Variants in ORC4 observed in about 807,000 individuals in gnomAD.
ORC4 encodes the protein origin recognition complex subunit 4, also known as origin recognition complex, subunit 4 homolog.
In ORC4, 55 loss-of-function variants were observed where a neutral mutation model predicts 63.9. That is an observed-to-expected ratio of 0.86 (90% confidence interval 0.69 to 1.08). ORC4 has a LOEUF of 1.08. Ranked by LOEUF, ORC4 falls within the 50% of genes least tolerant of loss-of-function variation. ORC4 has a pLI of 0.00. For missense variants in ORC4, 511 were observed against 504.4 expected (o/e 1.01, Z -0.13); for synonymous variants, 150 against 168.5 (o/e 0.89, Z 0.85).
intron 5 of ORC4, 30 bp from the exon 6 acceptor site, chr2:147,958,413 AT>A: frequency 6.6e-7 from 1 of 1,516,212 alleles, no homozygotes; most frequent in Admixed American, 1.7e-5. Flanking sequence ...AAAGTATTTA[AT>A]TAAAATTAAA....
At chr2:147,976,986 T>C (rs1351980668) in intron 1 of ORC4, among the ~76,000 whole-genome samples, 1 of 152,236 alleles carries the variant, frequency 6.6e-6, no homozygotes, top group Non-Finnish European at 1.5e-5. Context: ...TTCTTAGCAC[T>C]GATTTCCTAT....
chr2:148,009,225 G>C (rs181900863), intron 1 of ORC4, among the ~76,000 whole-genome samples: 172 of 151,618 alleles, frequency 1.1e-3, no homozygotes, highest in Non-Finnish European at 1.9e-3. Context: ...TTATCACAAA[G>C]GAAAACAAGG....
At chr2:147,942,671 C>T (rs1466366323) in intron 10 of ORC4, among the ~76,000 whole-genome samples, 1 of 151,934 alleles carries the variant, frequency 6.6e-6, no homozygotes, top group South Asian at 2.1e-4. Flanking sequence ...TCCTTTCTTC[C>T]TAAGACTGGG....
At chr2:147,958,152 A>C in intron 6 of ORC4, 146 bp downstream of exon 6, 1 of 609,830 alleles carries the variant, frequency 1.6e-6, no homozygotes, top group South Asian at 2.2e-5. Flanking sequence ...TATCCTATAC[A>C]TTACACATTT....
chr2:147,975,944 T>C lies in ORC4; in HGVS notation c.15A>G (p.Lys5=), dbSNP rs1356854922. The C allele has an allele frequency of 1.9e-6, 3 of 1,588,966 alleles. No individual in the cohort carries two copies. Among genetic ancestry groups the C allele is most frequent in the East Asian group, 2.2e-5 (1 of 44,658 alleles). The part of the protein sequence containing the change: MSSR[K]SKSNSLIHTE... ...TGTGAATTAAGCTGTTACTCTTTGA[T>C]TTACGACTGCTCATTTCAACAAATT... The change falls in exon 2 of 14, where the codon AAA becomes AAG. Residue 5 remains lysine, a synonymous_variant. Coordinates refer to ENST00000392857, the MANE Select transcript of ORC4 (RefSeq NM_181741.4).
intron 1 of ORC4, among the ~76,000 whole-genome samples, chr2:147,988,362 A>T (rs917944316): frequency 3.5e-5 from 5 of 143,386 alleles, no homozygotes; most frequent in African/African-American, 7.6e-5. Context: ...GACTTACTGA[A>T]TTTTTTTTTT....
At chr2:147,962,980 C>G (rs1689692525) in intron 4 of ORC4, among the ~76,000 whole-genome samples, 1 of 152,100 alleles carries the variant, frequency 6.6e-6, no homozygotes, top group East Asian at 1.9e-4. Context: ...ATACACCTCC[C>G]ACAGGGTGGC....
intron 1 of ORC4, among the ~76,000 whole-genome samples, chr2:147,985,347 C>A (rs559090486): frequency 6.6e-6 from 1 of 152,238 alleles, no homozygotes; most frequent in East Asian, 1.9e-4. Context: ...CAGGCGCCTG[C>A]CACCATGCCC....
At chr2:147,989,524 G>A (rs1424856848) in intron 1 of ORC4, among the ~76,000 whole-genome samples, 1 of 152,066 alleles carries the variant, frequency 6.6e-6, no homozygotes, top group Non-Finnish European at 1.5e-5. Flanking sequence ...TGGCCAACAT[G>A]GTGAAACTCC....
At chr2:147,953,299 C>T (rs1689066424) in intron 7 of ORC4, among the ~76,000 whole-genome samples, 2 of 152,114 alleles carry the variant, frequency 1.3e-5, no homozygotes, top group Admixed American at 6.6e-5. Context: ...GAGTGAAACT[C>T]CATCTCCAAA....
intron 6 of ORC4, among the ~76,000 whole-genome samples, chr2:147,957,143 A>G (rs1055048100): frequency 2.0e-5 from 3 of 147,752 alleles, no homozygotes; most frequent in Admixed American, 1.4e-4. Flanking sequence ...ATCTATAATT[A>G]CATATAATAA....
rs1203131809 is a variant in ORC4 at position 147,981,720 on chromosome 2, A to C, written c.-17-5745T>G. Among the ~76,000 whole-genome samples, 3 of 107,608 alleles carry C rather than the reference A, an allele frequency of 2.8e-5. No homozygotes were observed. In the East Asian group the frequency reaches 8.2e-4, roughly 29 times the overall value. 70.6% of individuals were successfully genotyped at this position (107,608 alleles called of 152,430 possible). A position where few individuals can be genotyped will look rare whatever the true frequency, so the allele number is the denominator to read the frequency against. On this transcript the variant is annotated intron_variant, in intron 1 of 13. Transcript: ENST00000392857. The stretch of plus-strand genomic sequence containing the variant: ...CATCAATTAGAAAAAAAACATATAA[A>C]ATATACATCAAAAAGCAAGTAAGTG...
chr2:148,013,038 T>C (rs1573903199), intron 1 of ORC4, among the ~76,000 whole-genome samples: 1 of 152,132 alleles, frequency 6.6e-6, no homozygotes, highest in African/African-American at 2.4e-5. Flanking sequence ...TGGAGCTTCC[T>C]AAAAACACAA....
intron 1 of ORC4, among the ~76,000 whole-genome samples, chr2:148,008,392 T>G (rs1232182889): frequency 6.6e-6 from 1 of 152,198 alleles, no homozygotes; most frequent in African/African-American, 2.4e-5. Context: ...CAAGACATGT[T>G]AAGAAAAGTT....
At chr2:148,021,470 T>G, upstream of ORC4, 1 of 578,392 alleles carries the variant, frequency 1.7e-6, no homozygotes, top group Non-Finnish European at 3.3e-6. Context: ...CTGTTGCTGC[T>G]GCTGCTGCTG....
chr2:147,969,851 A>G (rs1260824754), intron 4 of ORC4, among the ~76,000 whole-genome samples: 1 of 152,086 alleles, frequency 6.6e-6, no homozygotes, highest in Non-Finnish European at 1.5e-5. Flanking sequence ...GACATAGTCT[A>G]TGAATAACTA....
chr2:148,011,716 A>G (rs959154240), intron 1 of ORC4, among the ~76,000 whole-genome samples: 18 of 152,192 alleles, frequency 1.2e-4, no homozygotes, highest in African/African-American at 3.9e-4. Flanking sequence ...ATACTAACCT[A>G]AAGACTCCAA....
intron 9 of ORC4, 47 bp downstream of exon 9, chr2:147,948,004 T>A (rs1313035079): frequency 6.7e-7 from 1 of 1,486,490 alleles, no homozygotes; most frequent in East Asian, 2.3e-5. Context: ...TTAATTGCTT[T>A]AAATCATATA....
intron 1 of ORC4, among the ~76,000 whole-genome samples, chr2:147,989,164 AAGT>A (rs1344300372): frequency 6.6e-6 from 1 of 152,196 alleles, no homozygotes; most frequent in Non-Finnish European, 1.5e-5. Flanking sequence ...CAGCAGTAAC[AAGT>A]AGATTTTTAA....
Sources: allele counts gnomAD v4.1 joint callset (sites outside exome capture counted in the v4.1 genomes callset), GRCh38; gene constraint gnomAD v4.1.1; transcripts MANE v1.5; gene names NCBI Gene and HGNC (gene_info 2026-07-23, HGNC 2026-07-21).